The following CNTN3 variants were observed in gnomAD, a reference collection of about 807,000 sequenced individuals.
CNTN3 encodes contactin 3, also known as contactin-3.
Under a neutral mutation model 119.1 loss-of-function variants are expected in CNTN3, and 60 were observed. That is an observed-to-expected ratio of 0.50 (90% confidence interval 0.41 to 0.62). The LOEUF (loss-of-function observed/expected upper bound fraction) is 0.62, where lower values mean the gene tolerates loss of function less well. Ranked by LOEUF, CNTN3 falls within the 20% of genes least tolerant of loss-of-function variation. CNTN3 has a pLI of 0.00. For missense variants in CNTN3, 1,101 were observed against 1,242.4 expected, an observed-to-expected ratio of 0.89 and a Z score of 1.71; for synonymous variants, 450 against 438.7, an observed-to-expected ratio of 1.03 and a Z score of -0.32.
chr3:74,434,416 C>T (rs1050396225), intron 4 of CNTN3, among the ~76,000 whole-genome samples: 1 of 152,144 alleles, frequency 6.6e-6, no homozygotes, highest in Non-Finnish European at 1.5e-5. Flanking sequence ...TTCAAACATG[C>T]ACAGTTCACC....
chr3:74,300,881 T>C (rs1436118454), intron 16 of CNTN3, among the ~76,000 whole-genome samples: 2 of 152,226 alleles, frequency 1.3e-5, no homozygotes. Flanking sequence ...AGCAGTCTTA[T>C]GGTCTATGTG....
chr3:74,413,409 A>G (rs1701470109), intron 5 of CNTN3, among the ~76,000 whole-genome samples: 1 of 152,218 alleles, frequency 6.6e-6, no homozygotes, highest in Non-Finnish European at 1.5e-5. Context: ...TCATATACAT[A>G]TACAAAATGT....
intron 4 of CNTN3, among the ~76,000 whole-genome samples, chr3:74,471,738 C>T (rs1702569979): frequency 6.6e-6 from 1 of 152,150 alleles, no homozygotes; most frequent in Non-Finnish European, 1.5e-5. Flanking sequence ...TCACTTCTGC[C>T]TTTAAGGTGG....
intron 13 of CNTN3, among the ~76,000 whole-genome samples, chr3:74,303,519 C>G (rs1702500402): frequency 6.6e-6 from 1 of 152,018 alleles, no homozygotes; most frequent in Non-Finnish European, 1.5e-5. Flanking sequence ...ATGGTGAAAC[C>G]CCATCTCTAC....
chr3:74,439,483 T>TA (rs1438263436), intron 4 of CNTN3, among the ~76,000 whole-genome samples: 1 of 152,036 alleles, frequency 6.6e-6, no homozygotes, highest in Non-Finnish European at 1.5e-5. Flanking sequence ...CTCCAAAAAA[T>TA]AAAAAAGTAT....
intron 1 of CNTN3, among the ~76,000 whole-genome samples, chr3:74,548,662 T>G (rs1703947465): frequency 6.6e-6 from 1 of 151,270 alleles, no homozygotes; most frequent in South Asian, 2.1e-4. Flanking sequence ...CAATACATAA[T>G]GAAACCATTA....
chr3:74,418,342 C>CTT (rs56258495), intron 5 of CNTN3, among the ~76,000 whole-genome samples: 3 of 99,632 alleles, frequency 3.0e-5, no homozygotes, highest in Non-Finnish European at 5.7e-5. Context: ...AAACATATTC[C>CTT]TTTTTTTTTT....
At chr3:74,422,499 G>A (rs887149295) in intron 5 of CNTN3, among the ~76,000 whole-genome samples, 9 of 152,160 alleles carry the variant, frequency 5.9e-5, no homozygotes, top group African/African-American at 2.2e-4. Context: ...GGTGTGATGG[G>A]CTAACAGTTC....
intron 11 of CNTN3, among the ~76,000 whole-genome samples, chr3:74,361,068 C>T (rs1249093471): frequency 6.6e-6 from 1 of 152,082 alleles, no homozygotes; most frequent in Non-Finnish European, 1.5e-5. Context: ...AATTATTCTG[C>T]TTATCACAAG....
rs887917107 is a variant in CNTN3 at position 74,419,129 on chromosome 3, C to G, written c.454+5716G>C. ...AAGTTTAACTTTATTACCTGCAGAACAGTAGCAAAGTGTTGTTCAAGGAAA... is the reference window on the plus strand; with the variant it reads ...AAGTTTAACTTTATTACCTGCAGAAGAGTAGCAAAGTGTTGTTCAAGGAAA... On this transcript the variant is annotated intron_variant, in intron 5 of 22. Transcript: ENST00000263665. Among the ~76,000 whole-genome samples the G allele has an allele frequency of 3.9e-5, 6 of 152,236 alleles. 1 individual carries two copies. Among genetic ancestry groups the G allele is most frequent in the Admixed American group, 2.6e-4 (4 of 15,304 alleles).
chr3:74,593,864 T>C (rs536287255), intron 1 of CNTN3, among the ~76,000 whole-genome samples: 3 of 152,070 alleles, frequency 2.0e-5, no homozygotes, highest in Non-Finnish European at 4.4e-5. Flanking sequence ...ATTAAATATA[T>C]ATCTCTTCTC....
intron 13 of CNTN3, among the ~76,000 whole-genome samples, chr3:74,330,957 A>G (rs752923996): frequency 6.6e-6 from 1 of 152,260 alleles, no homozygotes; most frequent in African/African-American, 2.4e-5. Context: ...TTAATGACAA[A>G]ACAGTCAAAA....
chr3:74,340,382 G>C (rs1482234722), intron 11 of CNTN3, among the ~76,000 whole-genome samples: 2 of 152,094 alleles, frequency 1.3e-5, no homozygotes, highest in Non-Finnish European at 2.9e-5. Context: ...TAAGTAAACA[G>C]AGAGGGAGAG....
chr3:74,483,765 G>A (rs1702803725), intron 4 of CNTN3, among the ~76,000 whole-genome samples: 1 of 152,084 alleles, frequency 6.6e-6, no homozygotes, highest in African/African-American at 2.4e-5. Context: ...GGAGCCTCAT[G>A]TCTTCTTCCA....
intron 5 of CNTN3, among the ~76,000 whole-genome samples, chr3:74,386,874 A>C (rs1432730308): frequency 6.6e-6 from 1 of 152,194 alleles, no homozygotes; most frequent in Non-Finnish European, 1.5e-5. Flanking sequence ...CTCAGAGGGT[A>C]TCCTGCAAAG....
chr3:74,303,724 C>G (rs567166358), intron 13 of CNTN3, among the ~76,000 whole-genome samples: 22 of 152,260 alleles, frequency 1.4e-4, no homozygotes, highest in African/African-American at 5.3e-4. Context: ...ATAATAATAA[C>G]AGCTGTCCTT....
At chr3:74,271,320 C>A (rs866635630) in intron 20 of CNTN3, among the ~76,000 whole-genome samples, 13 of 152,138 alleles carry the variant, frequency 8.5e-5, no homozygotes, top group African/African-American at 2.9e-4. Context: ...AGAAACTTTT[C>A]ATAGAACAGA....
intron 5 of CNTN3, among the ~76,000 whole-genome samples, chr3:74,405,957 G>A (rs1705313075): frequency 6.6e-6 from 1 of 152,040 alleles, no homozygotes; most frequent in African/African-American, 2.4e-5. Flanking sequence ...TCTTTTATTA[G>A]TAAGGATACT....
At chr3:74,566,307 C>T (rs1371834930) in intron 1 of CNTN3, among the ~76,000 whole-genome samples, 1 of 152,140 alleles carries the variant, frequency 6.6e-6, no homozygotes, top group Non-Finnish European at 1.5e-5. Context: ...CCCCAGGCCA[C>T]CTTCGCTTTG....
Sources: allele counts gnomAD v4.1 joint callset (sites outside exome capture counted in the v4.1 genomes callset), GRCh38; gene constraint gnomAD v4.1.1; transcripts MANE v1.5; gene names NCBI Gene and HGNC (gene_info 2026-07-23, HGNC 2026-07-21).